The following RABEP1 variants were observed in gnomAD, a reference collection of about 807,000 sequenced individuals.
The protein encoded by RABEP1 is rab GTPase-binding effector protein 1.
A neutral mutation model predicts 123.4 loss-of-function variants in RABEP1; 51 were observed. The ratio of observed to expected loss-of-function variants is 0.41; its 90% confidence interval spans 0.33 to 0.52. The LOEUF (loss-of-function observed/expected upper bound fraction) is 0.52, where lower values mean the gene tolerates loss of function less well. RABEP1 is among the 20% of genes least tolerant of loss of function. The probability of loss-of-function intolerance (pLI) is 0.16; values close to 1 mark genes in which losing one functional copy is unlikely to be tolerated. For missense variants in RABEP1, 888 were observed against 996.3 expected, an observed-to-expected ratio of 0.89 and a Z score of 1.46; for synonymous variants, 347 against 355.2, an observed-to-expected ratio of 0.98 and a Z score of 0.26.
At chr17:5,326,922 A>G (rs1202372571) in intron 2 of RABEP1, among the ~76,000 whole-genome samples, 1 of 152,218 alleles carries the variant, frequency 6.6e-6, no homozygotes, top group Non-Finnish European at 1.5e-5. Flanking sequence ...ACAAAAACCT[A>G]GATGTTATAT....
chr17:5,358,175 A>C (rs1217586592), intron 8 of RABEP1, among the ~76,000 whole-genome samples: 1 of 152,212 alleles, frequency 6.6e-6, no homozygotes, highest in East Asian at 1.9e-4. Context: ...CAAGGCCTCC[A>C]GTAAATCAAA....
In RABEP1 at chr17:5,282,317, T is replaced by C; in HGVS notation, c.-170T>C. On this transcript the variant is annotated 5_prime_UTR_variant, in exon 1 of 18. Transcript: ENST00000537505. ...GAGGAGGCGGAGGTCGGCGGTCGGGTCCGTCTCTGCCCGCGGCTGTGGCGG... is the reference window on the plus strand; with the variant it reads ...GAGGAGGCGGAGGTCGGCGGTCGGGCCCGTCTCTGCCCGCGGCTGTGGCGG... 1 of 449,148 alleles carries C rather than the reference T, an allele frequency of 2.2e-6. No individual in the cohort carries two copies. Among genetic ancestry groups the C allele is most frequent in the South Asian group, 8.5e-5 (1 of 11,810 alleles). 27.8% of individuals were successfully genotyped at this position (449,148 alleles called of 1,614,324 possible).
At chr17:5,337,076 G>T (rs749495845) in intron 4 of RABEP1, among the ~76,000 whole-genome samples, 1 of 152,154 alleles carries the variant, frequency 6.6e-6, no homozygotes, top group Non-Finnish European at 1.5e-5. Context: ...TATAAGAAAT[G>T]AAAATTCATT....
intron 17 of RABEP1, among the ~76,000 whole-genome samples, chr17:5,382,261 T>C (rs959535481): frequency 1.3e-5 from 2 of 151,560 alleles, no homozygotes; most frequent in Admixed American, 1.3e-4. Flanking sequence ...TTTGTATTTT[T>C]AGTAGAGACA....
At chr17:5,373,766 C>G (rs1287203888) in intron 13 of RABEP1, among the ~76,000 whole-genome samples, 1 of 150,342 alleles carries the variant, frequency 6.7e-6, no homozygotes, top group Non-Finnish European at 1.5e-5. Flanking sequence ...CCTTTAGCTA[C>G]CATCCTTATT....
intron 2 of RABEP1, among the ~76,000 whole-genome samples, chr17:5,329,151 G>C (rs1027312220): frequency 6.7e-6 from 1 of 150,022 alleles, no homozygotes; most frequent in African/African-American, 2.5e-5. Flanking sequence ...CATATTTTTA[G>C]AGATGCATCT....
intron 11 of RABEP1, among the ~76,000 whole-genome samples, chr17:5,367,462 G>A (rs1024411801): frequency 2.0e-5 from 3 of 151,470 alleles, no homozygotes; most frequent in Non-Finnish European, 4.4e-5. Flanking sequence ...GTAGAGACGG[G>A]GTTTCACCAT....
Position 5,383,101 on chromosome 17 carries a change from A to G in RABEP1, c.2488-21A>G, listed in dbSNP as rs781079180. The G allele has an allele frequency of 5.0e-6, 8 of 1,609,670 alleles. No homozygotes were observed. In the South Asian group the frequency reaches 7.7e-5, roughly 15 times the overall value. ...ATCTAGGCAGGAGCCACCTGTAGTTATCTCACCATTGTTTCTCCAGGTGCA... is the reference window on the plus strand; with the variant it reads ...ATCTAGGCAGGAGCCACCTGTAGTTGTCTCACCATTGTTTCTCCAGGTGCA... On this transcript the variant is annotated intron_variant, in intron 17 of 17. Transcript: ENST00000537505.
intron 1 of RABEP1, among the ~76,000 whole-genome samples, chr17:5,290,373 C>A (rs1455947238): frequency 6.6e-6 from 1 of 152,162 alleles, no homozygotes; most frequent in African/African-American, 2.4e-5. Flanking sequence ...CAGGCGTGAG[C>A]CACCGCGCCC....
intron 1 of RABEP1, among the ~76,000 whole-genome samples, chr17:5,287,512 T>C (rs1250992958): frequency 1.4e-5 from 2 of 143,424 alleles, no homozygotes; most frequent in African/African-American, 5.3e-5. Context: ...GGCAGGAGAA[T>C]TGCTTGAACC....
Position 5,381,519 on chromosome 17 carries a change from G to A in RABEP1, c.2487+14G>A. 1 of 1,610,882 alleles carries A rather than the reference G, an allele frequency of 6.2e-7. No individual in the cohort carries two copies. The highest frequency in any genetic ancestry group is 1.1e-5 in the South Asian group (1 of 90,340). On this transcript the variant is annotated intron_variant, in intron 17 of 17. Transcript: ENST00000537505. ...CAGACCCTTCAGGTGAGGCATTTGG[G>A]GAACCACATACAGAGCACGAAGGCA...
chr17:5,381,279 G>C (rs548593665), intron 16 of RABEP1, 110 bp from the exon 17 acceptor site: 2 of 1,484,202 alleles, frequency 1.3e-6, no homozygotes, highest in Middle Eastern at 1.8e-4. Flanking sequence ...GGAGTGCGAC[G>C]GATATCCACC....
intron 8 of RABEP1, among the ~76,000 whole-genome samples, chr17:5,358,777 A>G (rs1909244928): frequency 6.6e-6 from 1 of 151,898 alleles, no homozygotes; most frequent in African/African-American, 2.4e-5. Context: ...GTTTTTTGAG[A>G]CAGGGTCTCG....
Position 5,365,158 on chromosome 17 carries a change from G to A in RABEP1, c.1705G>A (p.Asp569Asn). Residue 569 changes from aspartate (D) to asparagine (N), a missense_variant, in exon 11 of 18, where the codon GAC becomes AAC. Transcript: ENST00000537505. ...ACAGCTGATGCTAAGGCAAGCTAATGACCAGTTAGAGAAGACAATGAAAGA... is the reference window on the plus strand; with the variant it reads ...ACAGCTGATGCTAAGGCAAGCTAATAACCAGTTAGAGAAGACAATGAAAGA... The part of the protein sequence containing the change: ...KLQLMLRQAN[D>N]QLEKTMKDKQ... 1 of 1,610,560 alleles carries A rather than the reference G, an allele frequency of 6.2e-7. No homozygotes were observed. Among genetic ancestry groups the A allele is most frequent in the Non-Finnish European group, 8.5e-7 (1 of 1,178,758 alleles).
chr17:5,337,802 C>T (rs957365910), intron 4 of RABEP1, among the ~76,000 whole-genome samples: 1 of 152,108 alleles, frequency 6.6e-6, no homozygotes, highest in East Asian at 1.9e-4. Flanking sequence ...CATTTACTCC[C>T]GAATTCTAAA....
intron 14 of RABEP1, among the ~76,000 whole-genome samples, chr17:5,377,520 ATTTT>A (rs960634048): frequency 1.0e-5 from 1 of 99,822 alleles, no homozygotes; most frequent in Non-Finnish European, 1.9e-5. Context: ...TATTTAAAAA[ATTTT>A]TTTTTTTTTT....
intron 2 of RABEP1, among the ~76,000 whole-genome samples, chr17:5,319,260 C>T (rs549864553): frequency 2.9e-4 from 39 of 136,788 alleles, no homozygotes; most frequent in African/African-American, 9.7e-4. Context: ...AGCCCAGAGG[C>T]AGAGATTGCA....
chr17:5,312,228 C>G (rs1042968923), intron 2 of RABEP1, among the ~76,000 whole-genome samples: 4 of 152,230 alleles, frequency 2.6e-5, no homozygotes, highest in Non-Finnish European at 4.4e-5. Context: ...TGGCTCACTG[C>G]AACCTCTGCC....
chr17:5,371,818 T>C (rs1237106890), intron 12 of RABEP1, among the ~76,000 whole-genome samples: 1 of 152,236 alleles, frequency 6.6e-6, no homozygotes, highest in Non-Finnish European at 1.5e-5. Context: ...GAGTAGTTTT[T>C]GGTTTACTTG....
Sources: gnomAD v4.1 joint callset for allele counts (sites outside exome capture counted in the v4.1 genomes callset) on GRCh38, gnomAD v4.1.1 for gene constraint, MANE v1.5 for transcripts, NCBI Gene and HGNC (gene_info 2026-07-23, HGNC 2026-07-21) for gene names.